Variants in PGBD5 observed in about 807,000 individuals in gnomAD.
The protein encoded by PGBD5 is piggyBac transposable element derived 5.
In PGBD5, 14 loss-of-function variants were observed where a neutral mutation model predicts 47.9. That is an observed-to-expected ratio of 0.29 (90% CI 0.19 to 0.46). The LOEUF (loss-of-function observed/expected upper bound fraction) is 0.46. Ranked by LOEUF, PGBD5 falls within the 20% of genes least tolerant of loss-of-function variation. The probability of loss-of-function intolerance (pLI) is 1.00; values close to 1 mark genes in which losing one functional copy is unlikely to be tolerated. For synonymous variants in PGBD5, 316 were observed against 306.3 expected (o/e 1.03, Z -0.33); for missense variants, 635 against 716.0 (o/e 0.89, Z 1.29).
chr1:230,326,626 T>C (rs2102811477), intron 5 of PGBD5, among the ~76,000 whole-genome samples: 1 of 152,006 alleles, frequency 6.6e-6, no homozygotes, highest in African/African-American at 2.4e-5. Context: ...GCCCAGCTAA[T>C]TAAAACAATT....
In PGBD5 at chr1:230,357,785, T is replaced by C. The variant is rs1259533193; in HGVS notation, c.332-464A>G. 6.6e-6 allele frequency among the ~76,000 whole-genome samples: 1 copy of C among 152,148 alleles called. No individual in the cohort carries two copies. The highest frequency in any genetic ancestry group is 6.5e-5 in the Admixed American group (1 of 15,276). On this transcript the variant is annotated intron_variant, in intron 1 of 6. Coordinates refer to ENST00000391860, the MANE Select transcript of PGBD5 (RefSeq NM_001258311.2). The surrounding 1 kb of genome is among the most constrained non-coding windows in gnomAD (Gnocchi z 5.7). ...CTAGAGATGTACACACACACATAAA[T>C]GTATATGTTTAAATATATATATCAT...
chr1:230,423,992 T>C (rs1657716543), intron 1 of PGBD5, among the ~76,000 whole-genome samples: 1 of 152,218 alleles, frequency 6.6e-6, no homozygotes, highest in South Asian at 2.1e-4. Flanking sequence ...TAAAATTTAT[T>C]TGTGTGCTCA....
chr1:230,367,832 ATTCTCGCGTCCAATTT>A, intron 1 of PGBD5: 2 of 110,052 alleles, frequency 1.8e-5, no homozygotes, highest in African/African-American at 5.4e-5. Context: ...TACAAAGAGC[ATTCTCGCGTCCAATTT>A]CATTCTCGCA....
At chr1:230,338,798 CTCAA>C (rs1338443913) in intron 3 of PGBD5, among the ~76,000 whole-genome samples, 1 of 152,034 alleles carries the variant, frequency 6.6e-6, no homozygotes, top group Non-Finnish European at 1.5e-5. Context: ...GAAATTCCAT[CTCAA>C]AAATAAATAA....
chr1:230,336,356 C>T (rs1256099240), intron 4 of PGBD5: 1 of 152,216 alleles, frequency 6.6e-6, no homozygotes, highest in Admixed American at 6.5e-5. Flanking sequence ...GCTGTCTACA[C>T]CTCATTACTT....
At chr1:230,360,902 G>A (rs1382060792) in intron 1 of PGBD5, among the ~76,000 whole-genome samples, 1 of 152,180 alleles carries the variant, frequency 6.6e-6, no homozygotes, top group East Asian at 1.9e-4. Flanking sequence ...TATTACCCAT[G>A]TAATCCTCAC....
chr1:230,338,978 A>G (rs1204377041), intron 3 of PGBD5, among the ~76,000 whole-genome samples: 1 of 152,144 alleles, frequency 6.6e-6, no homozygotes, highest in Non-Finnish European at 1.5e-5. Context: ...TTAGGACCAT[A>G]ATACATTTGC....
In PGBD5 at chr1:230,316,104, GTGTACACATATATC is replaced by G; in HGVS notation, c.*7307_*7320del. ...TATGTGTATACATACATATGTTTAT[GTGTACACATATATC>G]TATGTGTATACATACATATGTATAT... On this transcript the variant is annotated 3_prime_UTR_variant, in exon 7 of 7. Coordinates refer to ENST00000391860, the MANE Select transcript of PGBD5 (RefSeq NM_001258311.2). The G allele has an allele frequency of 1.3e-5, 2 of 150,586 alleles. 1 individual carries two copies. The highest frequency in any genetic ancestry group is 4.2e-4 in the South Asian group (2 of 4,750). 9.3% of individuals were successfully genotyped at this position (150,586 alleles called of 1,614,324 possible).
At chr1:230,368,068 T>TAAA (rs1282930871) in intron 1 of PGBD5, 1 of 1,367,926 alleles carries the variant, frequency 7.3e-7, no homozygotes, top group East Asian at 4.5e-5. Context: ...TGGGTCTTTT[T>TAAA]AGCTCTGTGG....
chr1:230,339,803 T>C (rs1343579857), intron 3 of PGBD5, among the ~76,000 whole-genome samples: 1 of 152,052 alleles, frequency 6.6e-6, no homozygotes, highest in African/African-American at 2.4e-5. Flanking sequence ...CAAGTTGAAC[T>C]AATAGGAGAG....
chr1:230,411,785 A>G (rs750794041), intron 1 of PGBD5, among the ~76,000 whole-genome samples: 3 of 152,184 alleles, frequency 2.0e-5, no homozygotes, highest in Non-Finnish European at 2.9e-5. Context: ...CCAGGAACAT[A>G]AGGGTACCTC....
At chr1:230,411,983 A>C (rs1657419436) in intron 1 of PGBD5, among the ~76,000 whole-genome samples, 2 of 152,350 alleles carry the variant, frequency 1.3e-5, no homozygotes, top group Admixed American at 6.5e-5. Context: ...CGTATTTGTT[A>C]AACAATGAAC....
chr1:230,422,564 CG>C (rs1308582943), intron 1 of PGBD5, among the ~76,000 whole-genome samples: 1 of 152,140 alleles, frequency 6.6e-6, no homozygotes, highest in Non-Finnish European at 1.5e-5. Flanking sequence ...ACAGCTAGCC[CG>C]ACAAGCATAG....
chr1:230,327,684 C>G (rs1459568428), intron 5 of PGBD5, among the ~76,000 whole-genome samples: 2 of 152,224 alleles, frequency 1.3e-5, no homozygotes, highest in Admixed American at 6.5e-5. Flanking sequence ...CTGTCGGGAG[C>G]CTGCAGAGGG....
intron 4 of PGBD5, among the ~76,000 whole-genome samples, chr1:230,334,629 T>C (rs983150687): frequency 1.3e-5 from 2 of 152,118 alleles, no homozygotes; most frequent in Admixed American, 6.5e-5. Context: ...CCCAGACCAA[T>C]GCAATCTGTG....
intron 1 of PGBD5, among the ~76,000 whole-genome samples, chr1:230,367,103 C>T (rs1247665376): frequency 2.0e-5 from 3 of 152,006 alleles, no homozygotes; most frequent in Admixed American, 6.6e-5. Flanking sequence ...TCCACGACTT[C>T]TCAGCTTTCT....
rs2102758796 is a variant in PGBD5 at position 230,425,066 on chromosome 1, A to T, written c.331+532T>A. Among the ~76,000 whole-genome samples the T allele has an allele frequency of 6.6e-6, 1 of 152,240 alleles. No individual in the cohort carries two copies. The highest frequency in any genetic ancestry group is 2.1e-4 in the South Asian group (1 of 4,812). On this transcript the variant is annotated intron_variant, in intron 1 of 6. Transcript: ENST00000391860. This position sits in a 1 kb window ranked among gnomAD's most constrained non-coding sequence, Gnocchi z 4.7. The stretch of plus-strand genomic sequence containing the variant: ...ATGGCGCGGACAGGGAAAGTTTCTC[A>T]GATTAAGGAGAAAACTAAGCCAAGT...
chr1:230,391,371 T>C lies in PGBD5; in HGVS notation c.332-34050A>G, dbSNP rs563541521. On this transcript the variant is annotated intron_variant, in intron 1 of 6. Coordinates refer to ENST00000391860, the MANE Select transcript of PGBD5 (RefSeq NM_001258311.2). Reference sequence around the variant, plus strand: ...GATTTTGCCCCCTCATTTTCTCCCCTAGGAAAAAATATGAGTTTGCTGTCT... The same window carrying C: ...GATTTTGCCCCCTCATTTTCTCCCCCAGGAAAAAATATGAGTTTGCTGTCT... Among the ~76,000 whole-genome samples, 4 of 152,232 alleles carry C rather than the reference T, an allele frequency of 2.6e-5. No homozygotes were observed. The South Asian group carries it at 6.3e-4, about 24-fold the overall frequency.
At chr1:230,370,108 G>A (rs573142568) in intron 1 of PGBD5, among the ~76,000 whole-genome samples, 1 of 152,312 alleles carries the variant, frequency 6.6e-6, no homozygotes, top group Non-Finnish European at 1.5e-5. Context: ...CGGAAAAGGA[G>A]ACCAGAGGGA....
Sources: gnomAD v4.1 joint callset for allele counts (sites outside exome capture counted in the v4.1 genomes callset) on GRCh38, gnomAD v4.1.1 for gene constraint, Gnocchi (gnomAD v3.1) non-coding constraint, MANE v1.5 for transcripts, NCBI Gene and HGNC (gene_info 2026-07-23, HGNC 2026-07-21) for gene names.